SS18L1: variants seen among roughly 807,000 people sequenced by gnomAD.
The protein encoded by SS18L1 is calcium-responsive transactivator.
Under a neutral mutation model 70.3 loss-of-function variants are expected in SS18L1, and 32 were observed. That is an observed-to-expected ratio of 0.46 (90% CI 0.34 to 0.61). SS18L1 has a LOEUF of 0.61. SS18L1 is among the 20% of genes least tolerant of loss of function. SS18L1 has a pLI of 0.01. For synonymous variants in SS18L1, 237 were observed against 229.7 expected (o/e 1.03, Z -0.29); for missense variants, 430 against 542.1 (o/e 0.79, Z 2.05).
chr20:62,165,596 C>T (rs1047487557), intron 8 of SS18L1, 82 bp downstream of exon 8: 31 of 1,303,908 alleles, frequency 2.4e-5, no homozygotes, highest in Middle Eastern at 1.8e-4. Flanking sequence ...TAGGAGCACG[C>T]GGTGCCTGCC....
chr20:62,144,387 G>C (rs1440846241), intron 1 of SS18L1, among the ~76,000 whole-genome samples: 1 of 152,204 alleles, frequency 6.6e-6, no homozygotes, highest in Non-Finnish European at 1.5e-5. Flanking sequence ...GTCGGCCTCC[G>C]GGCGCACTTG....
intron 1 of SS18L1, among the ~76,000 whole-genome samples, chr20:62,144,914 C>T (rs1233661207): frequency 6.6e-6 from 1 of 152,244 alleles, no homozygotes; most frequent in Non-Finnish European, 1.5e-5. Context: ...TTCCCAGGAG[C>T]CGCTTGTCTC....
chr20:62,163,755 T>C (rs1427406853), intron 6 of SS18L1, 133 bp downstream of exon 6: 1 of 1,289,472 alleles, frequency 7.8e-7, no homozygotes, highest in Non-Finnish European at 1.0e-6. Flanking sequence ...GCTTGGCGCC[T>C]TGGTGTTAAC....
chr20:62,161,716 A>C lies in SS18L1; in HGVS notation c.376+136A>C. ...GACCCACTCCTCCTGGGGTAGCCAC[A>C]GGTCGGCTGCCATCGCCCAGGCTCA... On this transcript the variant is annotated intron_variant, in intron 4 of 10. Coordinates refer to ENST00000331758, the MANE Select transcript of SS18L1 (RefSeq NM_198935.3). This position sits in a 1 kb window ranked among gnomAD's most constrained non-coding sequence, Gnocchi z 4.4. 1 of 1,331,796 alleles carries C rather than the reference A, an allele frequency of 7.5e-7. No homozygotes were observed. The highest frequency in any genetic ancestry group is 1.0e-6 in the Non-Finnish European group (1 of 1,000,080). 82.5% of individuals were successfully genotyped at this position (1,331,796 alleles called of 1,614,324 possible).
chr20:62,177,049 A>T (rs1229169268), intron 10 of SS18L1, among the ~76,000 whole-genome samples: 4 of 152,310 alleles, frequency 2.6e-5, no homozygotes, highest in South Asian at 4.1e-4. Flanking sequence ...CCAGTCTGAC[A>T]ATTTAAAATG....
In SS18L1 at chr20:62,162,727, C is replaced by T. The variant is rs934694779; in HGVS notation, c.377-25C>T. On this transcript the variant is annotated intron_variant, in intron 4 of 10. Transcript: ENST00000331758. ...GGTGACCTGGCTCCCCAGTGCCTGA[C>T]ACCACTCCCTGCTCCCCATGCCAGG... is the stretch of plus-strand genomic sequence containing the variant. The T allele has an allele frequency of 6.9e-6, 11 of 1,589,290 alleles. No homozygotes were observed. The African/African-American group carries it at 1.3e-4, about 19-fold the overall frequency.
chr20:62,160,125 C>G (rs561560499), intron 3 of SS18L1, among the ~76,000 whole-genome samples, 164 bp downstream of exon 3: 7 of 150,134 alleles, frequency 4.7e-5, no homozygotes, highest in African/African-American at 1.2e-4. Context: ...GGTGACCAAC[C>G]CTTCCTGACA....
At chr20:62,154,295 C>A in intron 1 of SS18L1, 1 of 1,033,158 alleles carries the variant, frequency 9.7e-7, no homozygotes, top group South Asian at 4.6e-5. Context: ...TGAAGAATGC[C>A]GGCCAGTCAT....
chr20:62,158,802 C>A lies in SS18L1; in HGVS notation c.146+54C>A. The A allele has an allele frequency of 6.2e-7, 1 of 1,612,664 alleles. No homozygotes were observed. The highest frequency in any genetic ancestry group is 8.5e-7 in the Non-Finnish European group (1 of 1,179,808). The stretch of plus-strand genomic sequence containing the variant: ...TGGAGGGTGTCATGCAGAGTCTAAG[C>A]ACAGAGGCCAGATACGTCCCAAGAG... On this transcript the variant is annotated intron_variant, in intron 2 of 10. Transcript: ENST00000331758. This position sits in a 1 kb window ranked among gnomAD's most constrained non-coding sequence, Gnocchi z 4.5.
rs2057354544 is a variant in SS18L1, at chr20:62,162,857, G to C, written c.482G>C (p.Gly161Ala). The C allele has an allele frequency of 6.2e-7, 1 of 1,612,822 alleles. No homozygotes were observed. The highest frequency in any genetic ancestry group is 1.1e-5 in the South Asian group (1 of 91,086). Reference sequence around the variant, plus strand: ...AGCCACGCGGGACCCGCCTCGCAGGGCGTCCCCATGCAGGGGCAAGGCACC... The same window carrying C: ...AGCCACGCGGGACCCGCCTCGCAGGCCGTCCCCATGCAGGGGCAAGGCACC... The part of the protein sequence containing the change: ...GYSHAGPASQ[G>A]VPMQGQGTIG... The change falls in exon 5 of 11, where the codon GGC becomes GCC. Residue 161 changes from glycine (G) to alanine (A), a missense_variant. Gly to Ala is a moderately conservative substitution (Grantham distance 60). Coordinates refer to ENST00000331758, the MANE Select transcript of SS18L1 (RefSeq NM_198935.3).
chr20:62,167,992 T>C (rs906850742), intron 8 of SS18L1, among the ~76,000 whole-genome samples: 3 of 149,924 alleles, frequency 2.0e-5, no homozygotes, highest in Non-Finnish European at 3.0e-5. Context: ...TTTTTTTTTT[T>C]TTTTTTTTTT....
intron 10 of SS18L1, among the ~76,000 whole-genome samples, chr20:62,175,939 C>T (rs2057613151): frequency 6.6e-6 from 1 of 152,196 alleles, no homozygotes; most frequent in African/African-American, 2.4e-5. Flanking sequence ...CCACTGTAGC[C>T]GACGCAGGGG....
rs774863974 is a variant in SS18L1, at chr20:62,143,925, G to A, written c.69+36G>A. The A allele has an allele frequency of 8.9e-6, 9 of 1,012,378 alleles. No homozygotes were observed. The African/African-American group carries it at 1.1e-4, about 12-fold the overall frequency. 62.7% of individuals were successfully genotyped at this position (1,012,378 alleles called of 1,614,324 possible). On this transcript the variant is annotated intron_variant, in intron 1 of 10. Coordinates refer to ENST00000331758, the MANE Select transcript of SS18L1 (RefSeq NM_198935.3). ...CCGGAGCGGCGGCGCTGGGCGGCGGGTCTGCGGGCGGGCGCGCGCGGGGAC... is the reference window on the plus strand; with the variant it reads ...CCGGAGCGGCGGCGCTGGGCGGCGGATCTGCGGGCGGGCGCGCGCGGGGAC...
intron 5 of SS18L1, 79 bp from the exon 6 acceptor site, chr20:62,163,379 G>A: frequency 6.3e-7 from 1 of 1,592,904 alleles, no homozygotes; most frequent in Admixed American, 1.7e-5. Context: ...AACCCGCCCG[G>A]GCGCAGGAGG....
chr20:62,165,291 AC>A, intron 7 of SS18L1, 130 bp from the exon 8 acceptor site: 1 of 824,742 alleles, frequency 1.2e-6, no homozygotes, highest in Non-Finnish European at 1.9e-6. Context: ...GTTTTGGGGA[AC>A]ACGGGTCCTG....
chr20:62,171,086 T>G (rs557611512), intron 8 of SS18L1, among the ~76,000 whole-genome samples: 1 of 152,088 alleles, frequency 6.6e-6, no homozygotes, highest in African/African-American at 2.4e-5. Context: ...GTATTTTTAG[T>G]AGAGACGGGG....
chr20:62,149,478 G>A (rs766127736), intron 1 of SS18L1, among the ~76,000 whole-genome samples: 1 of 152,250 alleles, frequency 6.6e-6, no homozygotes, highest in Non-Finnish European at 1.5e-5. Flanking sequence ...ATGGGAAATA[G>A]GTGTGGAATG....
rs529563192 is a variant in SS18L1 at position 62,163,342 on chromosome 20, C to T, written c.557-116C>T. 5.3e-3 allele frequency: 7,757 copies of T among 1,451,734 alleles called. 27 individuals carry two copies. The highest frequency in any genetic ancestry group is 6.5e-3 in the Non-Finnish European group (7,043 of 1,079,998). The allele number at this position is 1,451,734 out of a possible 1,614,324, so 89.9% of individuals were successfully genotyped here. A position where few individuals can be genotyped will look rare whatever the true frequency, so the allele number is the denominator to read the frequency against. On this transcript the variant is annotated intron_variant, in intron 5 of 10. Transcript: ENST00000331758. ...GCCTTGCGGTGGAGGACGCTGTCCT[C>T]GTGGGGAGCACAGGAAAATAACGAG...
chr20:62,154,263 C>T (rs917198336), intron 1 of SS18L1: 2 of 974,300 alleles, frequency 2.1e-6, no homozygotes, highest in African/African-American at 3.5e-5. Context: ...TCTTCCTTGT[C>T]TTTGATGACT....
Sources: gnomAD v4.1 joint callset for allele counts (sites outside exome capture counted in the v4.1 genomes callset) on GRCh38, gnomAD v4.1.1 for gene constraint, Gnocchi (gnomAD v3.1) non-coding constraint, MANE v1.5 for transcripts, NCBI Gene and HGNC (gene_info 2026-07-23, HGNC 2026-07-21) for gene names.